Variants in COL4A2 observed in about 807,000 individuals in gnomAD.
The protein encoded by COL4A2 is collagen alpha-2(IV) chain.
A neutral mutation model predicts 200.2 loss-of-function variants in COL4A2; 99 were observed. The ratio of observed to expected loss-of-function variants is 0.49; its 90% CI spans 0.42 to 0.58. COL4A2 has a LOEUF of 0.58. Ranked by LOEUF, COL4A2 falls within the 20% of genes least tolerant of loss-of-function variation. The probability of loss-of-function intolerance (pLI) is 0.00; values close to 1 mark genes in which losing one functional copy is unlikely to be tolerated. For synonymous variants in COL4A2, 897 were observed against 900.6 expected (o/e 1.00, Z 0.07); for missense variants, 1,950 against 2,314.1 (o/e 0.84, Z 3.23).
chr13:110,447,442 A>G (rs1399869442), intron 18 of COL4A2, among the ~76,000 whole-genome samples: 1 of 152,152 alleles, frequency 6.6e-6, no homozygotes, highest in African/African-American at 2.4e-5. Context: ...TGTCGTCACT[A>G]ATGCTCATCT....
chr13:110,453,010 C>G (rs1456163947), intron 20 of COL4A2, among the ~76,000 whole-genome samples: 1 of 152,038 alleles, frequency 6.6e-6, no homozygotes, highest in East Asian at 1.9e-4. Context: ...AGGTGATCTG[C>G]CCACCTCGGC....
rs146058227 is a variant in COL4A2, at chr13:110,402,047, G to A, written c.181-22687G>A. Reference sequence around the variant, plus strand: ...AATTTTGGAGGGACACATTCAGTCCGTAACATTTCACCCCTAACCTCCCAA... The same window carrying A: ...AATTTTGGAGGGACACATTCAGTCCATAACATTTCACCCCTAACCTCCCAA... On this transcript the variant is annotated intron_variant, in intron 4 of 47. Transcript: ENST00000360467. 1.4e-4 allele frequency among the ~76,000 whole-genome samples: 21 copies of A among 152,264 alleles called. No homozygotes were observed. The East Asian group carries it at 1.7e-3, about 13-fold the overall frequency.
In COL4A2 at chr13:110,457,580, CG is replaced by C. The variant is rs1286150362; in HGVS notation, c.1432+147del. On this transcript the variant is annotated intron_variant, in intron 21 of 47. Transcript: ENST00000360467. ...CTCTCCCAGCCTCCTGTCCCCTTGGCGGTGGCACTGAGAGGGAGGCGCATGG... is the reference window on the plus strand; with the variant it reads ...CTCTCCCAGCCTCCTGTCCCCTTGGCGTGGCACTGAGAGGGAGGCGCATGG... 4 of 706,174 alleles carry C rather than the reference CG, an allele frequency of 5.7e-6. No homozygotes were observed. In the Admixed American group the frequency reaches 8.1e-5, roughly 14 times the overall value. 43.7% of individuals were successfully genotyped at this position (706,174 alleles called of 1,614,324 possible).
intron 4 of COL4A2, among the ~76,000 whole-genome samples, chr13:110,416,205 T>C (rs1212325505): frequency 2.0e-5 from 3 of 152,258 alleles, no homozygotes; most frequent in African/African-American, 4.8e-5. Flanking sequence ...ACACATTGCA[T>C]GTCAGCAGTG....
intron 30 of COL4A2, among the ~76,000 whole-genome samples, chr13:110,479,139 C>G (rs372950516): frequency 6.6e-6 from 1 of 152,226 alleles, no homozygotes; most frequent in Non-Finnish European, 1.5e-5. Flanking sequence ...ATCTCAGTAT[C>G]GACAGGGCCG....
At position 110,466,072 on chromosome 13, in the gene COL4A2, G is replaced by T; in HGVS notation, c.2038+10G>T. 1 of 1,613,352 alleles carries T rather than the reference G, an allele frequency of 6.2e-7. No homozygotes were observed. The highest frequency in any genetic ancestry group is 8.5e-7 in the Non-Finnish European group (1 of 1,179,416). ...GAGGCCATCCAGCCAGGTACTCTGG[G>T]AAGTGCAGGTGGCTTTAGGACACTA... On this transcript the variant is annotated intron_variant, in intron 26 of 47. Coordinates refer to ENST00000360467, the MANE Select transcript of COL4A2 (RefSeq NM_001846.4).
chr13:110,347,200 G>A (rs1876743157), intron 3 of COL4A2, among the ~76,000 whole-genome samples: 1 of 152,244 alleles, frequency 6.6e-6, no homozygotes, highest in African/African-American at 2.4e-5. Context: ...CATGCTCTGA[G>A]ATCATCTCTA....
chr13:110,415,474 A>G (rs1427343672), intron 4 of COL4A2, among the ~76,000 whole-genome samples: 1 of 152,142 alleles, frequency 6.6e-6, no homozygotes, highest in African/African-American at 2.4e-5. Context: ...GAGGGGAAAA[A>G]AGCTGTGCAT....
intron 20 of COL4A2, among the ~76,000 whole-genome samples, chr13:110,454,644 C>T (rs1455599558): frequency 6.6e-6 from 1 of 152,104 alleles, no homozygotes; most frequent in Non-Finnish European, 1.5e-5. Context: ...GTCTTCTCCC[C>T]TCCACTCCCG....
chr13:110,311,482 C>T (rs536385848), intron 3 of COL4A2, among the ~76,000 whole-genome samples: 2 of 152,284 alleles, frequency 1.3e-5, no homozygotes, highest in African/African-American at 4.8e-5. Context: ...CGGACATTCG[C>T]CAAGCCTCTG....
chr13:110,381,351 G>GCAGGA (rs1298511293), intron 4 of COL4A2, among the ~76,000 whole-genome samples: 2 of 152,218 alleles, frequency 1.3e-5, no homozygotes, highest in African/African-American at 4.8e-5. Context: ...CAGCACTCTG[G>GCAGGA]CGTCCCCTTT....
chr13:110,311,557 G>T (rs979860499), intron 3 of COL4A2, among the ~76,000 whole-genome samples: 9 of 152,198 alleles, frequency 5.9e-5, no homozygotes, highest in Non-Finnish European at 1.3e-4. Flanking sequence ...ATAGATGGGG[G>T]TGCTGTGAGG....
chr13:110,385,187 G>T (rs146918080), intron 4 of COL4A2, among the ~76,000 whole-genome samples: 1 of 152,032 alleles, frequency 6.6e-6, no homozygotes, highest in Non-Finnish European at 1.5e-5. Context: ...GCGTGAATCC[G>T]GGAGGTGGAG....
At chr13:110,331,784 A>G (rs1290132608) in intron 3 of COL4A2, among the ~76,000 whole-genome samples, 2 of 152,116 alleles carry the variant, frequency 1.3e-5, no homozygotes, top group African/African-American at 2.4e-5. Context: ...GTATAGATCT[A>G]CTGGCCATTT....
intron 24 of COL4A2, chr13:110,463,402 G>T (rs1882110877): frequency 6.6e-6 from 1 of 152,170 alleles, no homozygotes; most frequent in Admixed American, 6.5e-5. Context: ...TCCAAATAAG[G>T]TCACATGTCT....
chr13:110,480,440 A>G, intron 31 of COL4A2, 50 bp downstream of exon 31: 1 of 1,554,700 alleles, frequency 6.4e-7, no homozygotes, highest in Non-Finnish European at 8.7e-7. Flanking sequence ...GGTTGGGTCT[A>G]ATCAACTCTG....
At chr13:110,480,179 G>C in intron 30 of COL4A2, 41 bp from the exon 31 acceptor site, 1 of 1,538,090 alleles carries the variant, frequency 6.5e-7, no homozygotes. Flanking sequence ...TCCCCTGTGT[G>C]TGTTTGTCCA....
rs975341170 is a variant in COL4A2 at position 110,469,300 on chromosome 13, C to T, written c.2179C>T (p.Arg727Cys). 2.5e-6 allele frequency: 4 copies of T among 1,593,912 alleles called. No homozygotes were observed. Among genetic ancestry groups the T allele is most frequent in the African/African-American group, 1.3e-5 (1 of 74,668 alleles). The stretch of plus-strand genomic sequence containing the variant: ...CAGGGGCTTGCCAGGAGACGCAGGT[C>T]GTGAAGGGTTCCCAGGACCCCCAGG... ...GPRGLPGDAG[R>C]EGFPGPPGFI... is the part of the protein sequence containing the mutation. Residue 727 changes from arginine to cysteine, a missense_variant, in exon 28 of 48, where the codon CGT becomes TGT. Around this residue, in one of 2 missense-constraint regions of COL4A2, gnomAD observed 1,385 missense variants for 1,720.5 expected, o/e 0.80. Coordinates refer to ENST00000360467, the MANE Select transcript of COL4A2 (RefSeq NM_001846.4).
At chr13:110,506,272 C>G (rs1278096833) in intron 45 of COL4A2, 143 bp from the exon 46 acceptor site, 1 of 904,800 alleles carries the variant, frequency 1.1e-6, no homozygotes, top group African/African-American at 1.7e-5. Context: ...CTCTCTCTCT[C>G]TCTCTCTCGG....
Sources: gnomAD v4.1 joint callset for allele counts (sites outside exome capture counted in the v4.1 genomes callset) on GRCh38, gnomAD v4.1.1 for gene constraint, gnomAD v4.1.1 regional missense constraint, MANE v1.5 for transcripts, NCBI Gene and HGNC (gene_info 2026-07-23, HGNC 2026-07-21) for gene names.